Variants in RALGPS2 observed in about 807,000 individuals in gnomAD.
The protein encoded by RALGPS2 is ras-specific guanine nucleotide-releasing factor RalGPS2.
Under a neutral mutation model 86.8 loss-of-function variants are expected in RALGPS2, and 43 were observed. The observed-to-expected ratio is 0.50, with a 90% CI of 0.39 to 0.64. The LOEUF (loss-of-function observed/expected upper bound fraction) is 0.64. RALGPS2 is among the 30% of genes least tolerant of loss of function. The pLI, the probability that RALGPS2 is intolerant of heterozygous loss-of-function variation, is 0.00. For missense variants in RALGPS2, 536 were observed against 694.6 expected (o/e 0.77, Z 2.57); for synonymous variants, 243 against 231.3 (o/e 1.05, Z -0.46).
intron 7 of RALGPS2, among the ~76,000 whole-genome samples, chr1:178,830,837 G>C (rs1655979722): frequency 6.6e-6 from 1 of 152,110 alleles, no homozygotes; most frequent in Non-Finnish European, 1.5e-5. Flanking sequence ...ATGTGCAACA[G>C]TTAGTTGTCC....
At chr1:178,836,537 T>G (rs1211296756) in intron 8 of RALGPS2, among the ~76,000 whole-genome samples, 1 of 152,196 alleles carries the variant, frequency 6.6e-6, no homozygotes, top group Non-Finnish European at 1.5e-5. Flanking sequence ...TCTAGAAATT[T>G]TCCTAATAAG....
intron 1 of RALGPS2, among the ~76,000 whole-genome samples, chr1:178,763,696 C>A (rs992562613): frequency 6.6e-6 from 1 of 151,996 alleles, no homozygotes; most frequent in Non-Finnish European, 1.5e-5. Context: ...TTTGTACTTT[C>A]TTCTCATTAG....
At chr1:178,874,952 G>T (rs1016891968) in intron 8 of RALGPS2, among the ~76,000 whole-genome samples, 13 of 152,154 alleles carry the variant, frequency 8.5e-5, no homozygotes, top group African/African-American at 2.7e-4. Context: ...ACACAAATAT[G>T]AAATGAATAT....
intron 8 of RALGPS2, among the ~76,000 whole-genome samples, 157 bp downstream of exon 8, chr1:178,833,707 C>T (rs1243207055): frequency 6.6e-6 from 1 of 152,036 alleles, no homozygotes; most frequent in African/African-American, 2.4e-5. Context: ...ATAGTTGTTA[C>T]CCTGTTACCT....
At chr1:178,848,657 T>C (rs893312404) in intron 8 of RALGPS2, among the ~76,000 whole-genome samples, 1 of 152,160 alleles carries the variant, frequency 6.6e-6, no homozygotes, top group Non-Finnish European at 1.5e-5. Context: ...AACTTGGATA[T>C]TGTTTTGTTT....
At chr1:178,855,341 T>C (rs1258195010) in intron 8 of RALGPS2, among the ~76,000 whole-genome samples, 2 of 151,478 alleles carry the variant, frequency 1.3e-5, no homozygotes, top group African/African-American at 4.8e-5. Context: ...TTTAAACCCT[T>C]AGGAAACTGT....
intron 4 of RALGPS2, among the ~76,000 whole-genome samples, chr1:178,802,101 G>A (rs368312092): frequency 6.6e-6 from 1 of 151,982 alleles, no homozygotes; most frequent in East Asian, 1.9e-4. Context: ...AAAATTTGCA[G>A]GTAAAACTCA....
At chr1:178,782,884 C>T (rs1438270431) in intron 2 of RALGPS2, among the ~76,000 whole-genome samples, 1 of 151,732 alleles carries the variant, frequency 6.6e-6, no homozygotes, top group African/African-American at 2.4e-5. Flanking sequence ...AAAAATAAAC[C>T]CTTACAGTAA....
At chr1:178,902,954 G>C (rs568050419) in intron 18 of RALGPS2, among the ~76,000 whole-genome samples, 36 of 152,204 alleles carry the variant, frequency 2.4e-4, no homozygotes, top group African/African-American at 8.2e-4. Context: ...AGTTTATAAA[G>C]TAGATATGAG....
intron 10 of RALGPS2, chr1:178,879,670 TC>T (rs1220796367): frequency 6.6e-6 from 1 of 151,460 alleles, no homozygotes; most frequent in Non-Finnish European, 1.5e-5. Flanking sequence ...ATGCCTGTAA[TC>T]CCAGCTGCTT....
At chr1:178,795,095 G>A (rs1417330807) in intron 4 of RALGPS2, among the ~76,000 whole-genome samples, 6 of 151,676 alleles carry the variant, frequency 4.0e-5, no homozygotes, top group South Asian at 2.1e-4. Flanking sequence ...CACAAGAATC[G>A]CTTGAACCAG....
intron 8 of RALGPS2, among the ~76,000 whole-genome samples, chr1:178,846,930 G>A (rs901651198): frequency 1.3e-5 from 2 of 152,076 alleles, no homozygotes; most frequent in East Asian, 1.9e-4. Context: ...AGTTTTATAA[G>A]GTAAATGATA....
intron 1 of RALGPS2, among the ~76,000 whole-genome samples, chr1:178,765,415 A>G (rs1652454354): frequency 6.6e-6 from 1 of 152,080 alleles, no homozygotes; most frequent in South Asian, 2.1e-4. Context: ...TTTATTAGTG[A>G]TTTTCAAAAG....
At chr1:178,806,918 C>T (rs973388614) in intron 4 of RALGPS2, among the ~76,000 whole-genome samples, 1 of 152,192 alleles carries the variant, frequency 6.6e-6, no homozygotes, top group African/African-American at 2.4e-5. Flanking sequence ...GAATGCTAAC[C>T]CTTCTTTAAA....
At chr1:178,825,527 G>A (rs1655706406) in intron 7 of RALGPS2, among the ~76,000 whole-genome samples, 1 of 152,042 alleles carries the variant, frequency 6.6e-6, no homozygotes, top group South Asian at 2.1e-4. Context: ...CCATGAAATG[G>A]CAATCACCAA....
chr1:178,810,228 A>T (rs1036628929), intron 5 of RALGPS2, among the ~76,000 whole-genome samples: 18 of 152,092 alleles, frequency 1.2e-4, no homozygotes, highest in African/African-American at 3.9e-4. Flanking sequence ...AATTTAAAAA[A>T]ATACAAAAAT....
At chr1:178,754,822 C>T (rs1397855203) in intron 1 of RALGPS2, among the ~76,000 whole-genome samples, 9 of 152,216 alleles carry the variant, frequency 5.9e-5, no homozygotes, top group South Asian at 4.1e-4. Flanking sequence ...TGTTTTGAGA[C>T]GAAGTCTCAC....
intron 8 of RALGPS2, chr1:178,853,928 C>T (rs1657356176): frequency 3.8e-6 from 2 of 520,910 alleles, no homozygotes; most frequent in Admixed American, 4.1e-5. Context: ...TAAAATATAA[C>T]TAAATAAAAG....
At chr1:178,753,934 C>T (rs1275155852) in intron 1 of RALGPS2, among the ~76,000 whole-genome samples, 2 of 151,856 alleles carry the variant, frequency 1.3e-5, no homozygotes, top group East Asian at 1.9e-4. Context: ...TGGGTTCACG[C>T]CATTCTCCTG....
Sources: gnomAD v4.1 joint callset for allele counts (sites outside exome capture counted in the v4.1 genomes callset) on GRCh38, gnomAD v4.1.1 for gene constraint, MANE v1.5 for transcripts, NCBI Gene and HGNC (gene_info 2026-07-23, HGNC 2026-07-21) for gene names.